Variants in ATP6V0A1 observed in about 807,000 individuals in gnomAD.
ATP6V0A1 encodes V-type proton ATPase 116 kDa subunit a 1.
Under a neutral mutation model 105.4 loss-of-function variants are expected in ATP6V0A1, and 43 were observed. The ratio of observed to expected loss-of-function variants is 0.41; its 90% confidence interval spans 0.32 to 0.53. The LOEUF is 0.53. Ranked by LOEUF, ATP6V0A1 falls within the 20% of genes least tolerant of loss-of-function variation. The pLI is 0.30. For synonymous variants in ATP6V0A1, 362 were observed against 372.8 expected (o/e 0.97, Z 0.33); for missense variants, 676 against 1,051.1 (o/e 0.64, Z 4.93).
Position 42,461,017 on chromosome 17 carries a change from T to C in ATP6V0A1, c.117+6T>C, listed in dbSNP as rs1227183451. On this transcript the variant is annotated splice_donor_region_variant and intron_variant, in intron 2 of 21. Coordinates refer to ENST00000343619, the MANE Select transcript of ATP6V0A1 (RefSeq NM_001130021.3). ...GAAAGGTTCAGTTTCGTGACGTAAG[T>C]AGTTGTGGGGCTGCGACTTGATTAC... is the stretch of plus-strand genomic sequence containing the variant. 1.1e-5 allele frequency: 17 copies of C among 1,607,492 alleles called. No homozygotes were observed.
At chr17:42,488,714 T>C (rs904125961) in intron 10 of ATP6V0A1, among the ~76,000 whole-genome samples, 2 of 151,568 alleles carry the variant, frequency 1.3e-5, no homozygotes, top group African/African-American at 4.8e-5. Flanking sequence ...CTGCCTTCCT[T>C]GGCCTTCCAA....
In ATP6V0A1 at chr17:42,471,871, G is replaced by C. The variant is rs145722274; in HGVS notation, c.423+1653G>C. Among the ~76,000 whole-genome samples, 556 of 152,192 alleles carry C rather than the reference G, an allele frequency of 3.7e-3. 6 individuals carry two copies. Among genetic ancestry groups the C allele is most frequent in the African/African-American group, 0.013 (539 of 41,526 alleles). The stretch of plus-strand genomic sequence containing the variant: ...GAGTCTTAGCTTTCAACTTGGATGT[G>C]GTTTTTCTGATGGCCTAAAGTACAG... On this transcript the variant is annotated intron_variant, in intron 5 of 21. Coordinates refer to ENST00000343619, the MANE Select transcript of ATP6V0A1 (RefSeq NM_001130021.3).
At chr17:42,482,002 C>T (rs1008469852) in intron 8 of ATP6V0A1, among the ~76,000 whole-genome samples, 27 of 151,920 alleles carry the variant, frequency 1.8e-4, no homozygotes, top group East Asian at 5.8e-4. Flanking sequence ...CCAGCACACC[C>T]GGCTAATTTT....
At chr17:42,501,643 A>G (rs2091679626) in intron 17 of ATP6V0A1, among the ~76,000 whole-genome samples, 1 of 151,712 alleles carries the variant, frequency 6.6e-6, no homozygotes. Context: ...TCGAACTCCT[A>G]ACCTCATGAT....
chr17:42,516,769 C>T (rs972349435), intron 21 of ATP6V0A1, among the ~76,000 whole-genome samples: 1 of 152,238 alleles, frequency 6.6e-6, no homozygotes, highest in Non-Finnish European at 1.5e-5. Context: ...CGTGTCTTCC[C>T]AGGTCCCCCT....
chr17:42,485,984 A>C (rs2090069990), intron 9 of ATP6V0A1, among the ~76,000 whole-genome samples: 1 of 152,196 alleles, frequency 6.6e-6, no homozygotes, highest in Non-Finnish European at 1.5e-5. Flanking sequence ...TGCCCAAGAC[A>C]ATTTTTCAGG....
At position 42,478,590 on chromosome 17, in the gene ATP6V0A1, G is replaced by A; in HGVS notation, c.633+1G>A. 1.3e-6 allele frequency: 2 copies of A among 1,574,748 alleles called. No homozygotes were observed. The highest frequency in any genetic ancestry group is 1.7e-6 in the Non-Finnish European group (2 of 1,156,060). ...GAACCCCCTGGAGGATCCTGTGACTGTAAGACAAGGAGATTGCATCCTGTG... is the reference window on the plus strand; with the variant it reads ...GAACCCCCTGGAGGATCCTGTGACTATAAGACAAGGAGATTGCATCCTGTG... On this transcript the variant is annotated splice_donor_variant, in intron 7 of 21. Coordinates refer to ENST00000343619, the MANE Select transcript of ATP6V0A1 (RefSeq NM_001130021.3). LOFTEE classifies it high-confidence loss of function.
At chr17:42,482,308 G>A (rs2089613538) in intron 8 of ATP6V0A1, among the ~76,000 whole-genome samples, 2 of 151,914 alleles carry the variant, frequency 1.3e-5, no homozygotes, top group South Asian at 2.1e-4. Context: ...CACCATGCCC[G>A]ACTAATTTTT....
chr17:42,469,397 C>G (rs970898792), intron 4 of ATP6V0A1, among the ~76,000 whole-genome samples: 4 of 134,530 alleles, frequency 3.0e-5, no homozygotes, highest in Non-Finnish European at 4.6e-5. Flanking sequence ...GTGGTGCGAT[C>G]TTGGCTCACT....
intron 14 of ATP6V0A1, among the ~76,000 whole-genome samples, chr17:42,498,119 C>A (rs544200661): frequency 6.6e-6 from 1 of 151,772 alleles, no homozygotes; most frequent in Admixed American, 6.6e-5. Context: ...GCATCGTGGC[C>A]TGTGCCTGTA....
At position 42,501,276 on chromosome 17, in the gene ATP6V0A1, G is replaced by A. The variant is rs376300031; in HGVS notation, c.1976G>A (p.Arg659His). The change falls in exon 17 of 22, where the codon CGC (arginine) becomes CAC (histidine). Residue 659 changes from arginine to histidine, a missense_variant. Physicochemically the swap from Arg to His is conservative, Grantham distance 29. This residue lies in a region of ATP6V0A1 where 435 missense variants were observed against 642.2 expected (regional missense o/e 0.68). Transcript: ENST00000343619. ...WMLLFKPLVL[R>H]RQYLRRKHLG... ...CTGCTGTTTAAACCATTGGTCCTTC[G>A]CCGTCAGTATTTGAGGAGAAAGCAT... 128 of 1,613,798 alleles carry A rather than the reference G, an allele frequency of 7.9e-5. 2 individuals are homozygous for A. Among genetic ancestry groups the A allele is most frequent in the Middle Eastern group, 6.6e-4 (4 of 6,084 alleles).
At chr17:42,467,080 G>A (rs759282998) in intron 3 of ATP6V0A1, among the ~76,000 whole-genome samples, 2 of 151,720 alleles carry the variant, frequency 1.3e-5, no homozygotes, top group Non-Finnish European at 2.9e-5. Flanking sequence ...CCGGGAGGCA[G>A]AGCTTGCAGT....
At chr17:42,515,181 GT>G (rs2092558133) in intron 21 of ATP6V0A1, among the ~76,000 whole-genome samples, 1 of 152,030 alleles carries the variant, frequency 6.6e-6, no homozygotes, top group South Asian at 2.1e-4. Context: ...TAAAAGTACA[GT>G]TTGGCTGGGC....
At position 42,500,826 on chromosome 17, in the gene ATP6V0A1, A is replaced by C; in HGVS notation, c.1799A>C (p.His600Pro). 1 of 1,614,124 alleles carries C rather than the reference A, an allele frequency of 6.2e-7. No homozygotes were observed. The highest frequency in any genetic ancestry group is 8.5e-7 in the Non-Finnish European group (1 of 1,179,972). Residue 600 changes from histidine to proline, a missense_variant, in exon 16 of 22, where the codon CAT (histidine) becomes CCT (proline). Physicochemically the swap from His to Pro is moderately conservative, Grantham distance 77 (BLOSUM62 -2). Transcript: ENST00000343619. Reference sequence around the variant, plus strand: ...TACAAGTGGACGGCCTATGATGCTCATACCTCTGAGAATGCACCAAGCCTT... The same window carrying C: ...TACAAGTGGACGGCCTATGATGCTCCTACCTCTGAGAATGCACCAAGCCTT... ...IFYKWTAYDA[H>P]TSENAPSLLI...
At chr17:42,504,860 C>G (rs977431210) in intron 17 of ATP6V0A1, among the ~76,000 whole-genome samples, 13 of 152,098 alleles carry the variant, frequency 8.5e-5, no homozygotes, top group African/African-American at 3.1e-4. Context: ...CAGGTGGGGG[C>G]CTTGCCTCTG....
At chr17:42,516,081 G>A (rs2092612143) in intron 21 of ATP6V0A1, among the ~76,000 whole-genome samples, 2 of 152,114 alleles carry the variant, frequency 1.3e-5, no homozygotes, top group South Asian at 4.2e-4. Context: ...TGACTCACTG[G>A]TGTGCCTTAG....
chr17:42,502,243 GA>G (rs2091729697), intron 17 of ATP6V0A1, among the ~76,000 whole-genome samples: 1 of 152,196 alleles, frequency 6.6e-6, no homozygotes, highest in Non-Finnish European at 1.5e-5. Flanking sequence ...TGCCTGTCTA[GA>G]TGTAGCATCA....
rs2090744234 is a variant in ATP6V0A1, at chr17:42,492,464, T to C, written c.1174+1827T>C. ...GCTCACGCCTGTAATCCCAGCACTT[T>C]GGGAGGCCGAGGCAGGTGGATCACC... On this transcript the variant is annotated intron_variant, in intron 11 of 21. Transcript: ENST00000343619. Among the ~76,000 whole-genome samples the C allele has an allele frequency of 2.6e-5, 4 of 151,548 alleles. No homozygotes were observed. In the South Asian group the frequency reaches 8.3e-4, roughly 32 times the overall value.
chr17:42,469,535 A>G (rs2087592528), intron 4 of ATP6V0A1, among the ~76,000 whole-genome samples: 1 of 151,600 alleles, frequency 6.6e-6, no homozygotes, highest in Non-Finnish European at 1.5e-5. Flanking sequence ...GGGTTTCGCC[A>G]TGTTTGGCCA....
Sources: gnomAD v4.1 joint callset for allele counts (sites outside exome capture counted in the v4.1 genomes callset) on GRCh38, gnomAD v4.1.1 for gene constraint, gnomAD v4.1.1 regional missense constraint, MANE v1.5 for transcripts, NCBI Gene and HGNC (gene_info 2026-07-23, HGNC 2026-07-21) for gene names.